CREB5: variants seen among roughly 807,000 people sequenced by gnomAD.
CREB5 encodes cAMP responsive element binding protein 5.
In CREB5, 19 loss-of-function variants were observed where a neutral mutation model predicts 57.1. The ratio of observed to expected loss-of-function variants is 0.33; its 90% CI spans 0.23 to 0.49. The LOEUF (loss-of-function observed/expected upper bound fraction) is 0.49. Ranked by LOEUF, CREB5 falls within the 20% of genes least tolerant of loss-of-function variation. The probability of loss-of-function intolerance (pLI) is 0.99; values close to 1 mark genes in which losing one functional copy is unlikely to be tolerated. For missense variants in CREB5, 579 were observed against 671.6 expected (o/e 0.86, Z 1.52); for synonymous variants, 238 against 238.3 (o/e 1.00, Z 0.01).
At chr7:28,724,397 C>T (rs760075850) in intron 7 of CREB5, 65 bp downstream of exon 7, 3 of 1,384,480 alleles carry the variant, frequency 2.2e-6, no homozygotes, top group South Asian at 2.4e-5. Flanking sequence ...TTTACTCTGA[C>T]TCCAAAACCT....
At chr7:28,320,848 T>C (rs1785483727) in intron 1 of CREB5, among the ~76,000 whole-genome samples, 2 of 152,126 alleles carry the variant, frequency 1.3e-5, no homozygotes, top group African/African-American at 2.4e-5. Flanking sequence ...GTAAGCAAAG[T>C]GGATACATAT....
chr7:28,749,295 C>T (rs186347894), intron 7 of CREB5: 1 of 152,308 alleles, frequency 6.6e-6, no homozygotes, highest in African/African-American at 2.4e-5. Context: ...AATATCTTAG[C>T]CCCTTGGCAG....
chr7:28,456,635 T>C (rs1790104490), intron 1 of CREB5, among the ~76,000 whole-genome samples: 1 of 152,248 alleles, frequency 6.6e-6, no homozygotes, highest in Non-Finnish European at 1.5e-5. Flanking sequence ...CTGGATGTTG[T>C]TGTAGTTCCA....
At chr7:28,433,051 T>C (rs536698319) in intron 1 of CREB5, among the ~76,000 whole-genome samples, 1 of 152,266 alleles carries the variant, frequency 6.6e-6, no homozygotes. Flanking sequence ...TTTGTTATAA[T>C]GTACTTAAGC....
chr7:28,529,803 T>C (rs948787462), intron 4 of CREB5, among the ~76,000 whole-genome samples: 3 of 152,194 alleles, frequency 2.0e-5, no homozygotes, highest in African/African-American at 7.2e-5. Flanking sequence ...TCAACCCAAC[T>C]TCAAGACATG....
chr7:28,317,049 A>G (rs1785397186), intron 1 of CREB5, among the ~76,000 whole-genome samples: 1 of 150,726 alleles, frequency 6.6e-6, no homozygotes, highest in Non-Finnish European at 1.5e-5. Context: ...CTTGATACTT[A>G]TAGAACTGAC....
chr7:28,459,663 A>T (rs1288172215), intron 1 of CREB5, among the ~76,000 whole-genome samples: 2 of 152,144 alleles, frequency 1.3e-5, no homozygotes, highest in Non-Finnish European at 2.9e-5. Context: ...TCTGCTGGAA[A>T]CGTGAATAGG....
chr7:28,630,051 C>T (rs1368454544), intron 5 of CREB5, among the ~76,000 whole-genome samples: 1 of 152,222 alleles, frequency 6.6e-6, no homozygotes, highest in East Asian at 1.9e-4. Flanking sequence ...TCTGCCCCAG[C>T]CATTCTGTGA....
In CREB5 at chr7:28,819,793, A is replaced by G. The variant is rs1809657249; in HGVS notation, c.*514A>G. The G allele has an allele frequency of 6.6e-6, 1 of 152,316 alleles. No individual in the cohort carries two copies. Among genetic ancestry groups the G allele is most frequent in the Non-Finnish European group, 1.5e-5 (1 of 68,140 alleles). 9.4% of individuals were successfully genotyped at this position (152,316 alleles called of 1,614,324 possible). ...CCCATACCTTTTTTTTTCTTACTAT[A>G]AAATATTATAAGATCCATTGATGTC... On this transcript the variant is annotated 3_prime_UTR_variant, in exon 11 of 11. Transcript: ENST00000357727.
chr7:28,329,680 A>G (rs1009989501), intron 1 of CREB5, among the ~76,000 whole-genome samples: 2 of 152,226 alleles, frequency 1.3e-5, no homozygotes, highest in Non-Finnish European at 2.9e-5. Flanking sequence ...TTTTGCATCC[A>G]GTTTTAGCCA....
intron 1 of CREB5, among the ~76,000 whole-genome samples, chr7:28,309,311 T>G (rs1785237265): frequency 6.6e-6 from 1 of 152,104 alleles, no homozygotes; most frequent in African/African-American, 2.4e-5. Flanking sequence ...TGGCTTAGAG[T>G]ATGTGCTTAA....
At chr7:28,460,806 AAG>A (rs1482617039) in intron 1 of CREB5, among the ~76,000 whole-genome samples, 3 of 151,884 alleles carry the variant, frequency 2.0e-5, no homozygotes, top group Non-Finnish European at 4.4e-5. Flanking sequence ...TTGTCGGGGG[AAG>A]AGAGAGGAGA....
intron 5 of CREB5, among the ~76,000 whole-genome samples, chr7:28,580,558 GGTGTGTGTGTGTGT>G (rs371277784): frequency 4.0e-5 from 5 of 124,912 alleles, no homozygotes; most frequent in African/African-American, 9.2e-5. Flanking sequence ...TTGGCAAATT[GGTGTGTGTGTGTGT>G]GTGTGTGTGT....
At chr7:28,384,692 T>C (rs1299915703) in intron 1 of CREB5, among the ~76,000 whole-genome samples, 2 of 151,870 alleles carry the variant, frequency 1.3e-5, no homozygotes, top group African/African-American at 4.8e-5. Flanking sequence ...TTTAAGATAG[T>C]ATAGTTATCA....
chr7:28,628,045 T>C (rs1038961805), intron 5 of CREB5, among the ~76,000 whole-genome samples: 9 of 152,122 alleles, frequency 5.9e-5, no homozygotes, highest in African/African-American at 2.2e-4. Context: ...TCCAGTTATT[T>C]GGAAACTTCC....
chr7:28,483,583 A>G (rs1199732683), intron 1 of CREB5, among the ~76,000 whole-genome samples: 1 of 152,144 alleles, frequency 6.6e-6, no homozygotes, highest in East Asian at 1.9e-4. Context: ...AAAATATTAA[A>G]TGATGAGGCA....
At chr7:28,686,634 C>G (rs1800939865) in intron 5 of CREB5, among the ~76,000 whole-genome samples, 1 of 152,118 alleles carries the variant, frequency 6.6e-6, no homozygotes, top group Non-Finnish European at 1.5e-5. Flanking sequence ...ATGCAGGAAC[C>G]AATCGCTTGA....
At chr7:28,341,676 C>T (rs1785940337) in intron 1 of CREB5, among the ~76,000 whole-genome samples, 1 of 152,180 alleles carries the variant, frequency 6.6e-6, no homozygotes, top group Non-Finnish European at 1.5e-5. Flanking sequence ...AAGATGTACC[C>T]AATAACCATT....
intron 1 of CREB5, among the ~76,000 whole-genome samples, chr7:28,358,664 C>T (rs999565136): frequency 6.6e-6 from 1 of 152,206 alleles, no homozygotes; most frequent in African/African-American, 2.4e-5. Context: ...GGGCCATGAG[C>T]TCATCTGATC....
Sources: allele counts gnomAD v4.1 joint callset (sites outside exome capture counted in the v4.1 genomes callset), GRCh38; gene constraint gnomAD v4.1.1; transcripts MANE v1.5; gene names NCBI Gene and HGNC (gene_info 2026-07-23, HGNC 2026-07-21).